AKAP13: variants seen among roughly 807,000 people sequenced by gnomAD.
AKAP13 encodes A-kinase anchoring protein 13, also known as A-kinase anchor protein 13.
AKAP13 carries 80 observed loss-of-function variants against 264.5 expected under a neutral mutation model. The ratio of observed to expected loss-of-function variants is 0.30; its 90% CI spans 0.25 to 0.36. The LOEUF is 0.36. AKAP13 is among the 10% of genes least tolerant of loss of function. The pLI, the probability that AKAP13 is intolerant of heterozygous loss-of-function variation, is 1.00. For missense variants in AKAP13, 3,712 were observed against 3,435.2 expected, an observed-to-expected ratio of 1.08 and a Z score of -2.01; for synonymous variants, 1,380 against 1,250.2, an observed-to-expected ratio of 1.10 and a Z score of -2.19.
Position 85,629,078 on chromosome 15 carries a change from T to C in AKAP13, c.4162-10296T>C, listed in dbSNP as rs1293034698. ...TGGGCATGGTGGCACATGCCTGTAG[T>C]CCTAGCTACCCAGGAGGCTGAGACA... On this transcript the variant is annotated intron_variant, in intron 8 of 36. Coordinates refer to ENST00000394518, the MANE Select transcript of AKAP13 (RefSeq NM_007200.5). Among the ~76,000 whole-genome samples, 3 of 152,166 alleles carry C rather than the reference T, an allele frequency of 2.0e-5. No homozygotes were observed. The East Asian group carries it at 5.8e-4, about 29-fold the overall frequency.
Position 85,723,055 on chromosome 15 carries a change from T to G in AKAP13, c.6497-17T>G. The G allele has an allele frequency of 2.5e-6, 4 of 1,607,688 alleles. No homozygotes were observed. The Middle Eastern group carries it at 6.6e-4, about 267-fold the overall frequency. On this transcript the variant is annotated splice_polypyrimidine_tract_variant and intron_variant, in intron 25 of 36. Coordinates refer to ENST00000394518, the MANE Select transcript of AKAP13 (RefSeq NM_007200.5). ...CAAAAAGAGCCATAAAAAACAGAAT[T>G]ATTCTTTCCTTCCAAGACAATGAAG...
chr15:85,589,121 C>T (rs2079481305), intron 8 of AKAP13, among the ~76,000 whole-genome samples: 1 of 152,140 alleles, frequency 6.6e-6, no homozygotes, highest in Admixed American at 6.6e-5. Flanking sequence ...GCCTTATTTG[C>T]TGTGAGTTGA....
intron 1 of AKAP13, among the ~76,000 whole-genome samples, chr15:85,465,583 T>G (rs1447064906): frequency 6.8e-6 from 1 of 146,838 alleles, no homozygotes; most frequent in Non-Finnish European, 1.5e-5. Flanking sequence ...TTCCCACCTA[T>G]GAGTGAGAAC....
chr15:85,737,830 G>A lies in AKAP13; in HGVS notation c.7557+1696G>A, dbSNP rs574855956. Among the ~76,000 whole-genome samples, 21 of 152,070 alleles carry A rather than the reference G, an allele frequency of 1.4e-4. 1 individual carries two copies. The South Asian group carries it at 1.9e-3, about 14-fold the overall frequency. ...TTTTTTTGTATTTTAGTAGAGATGGGGTTTCACCATGTTGCCCAGGCTGGT... is the reference window on the plus strand; with the variant it reads ...TTTTTTTGTATTTTAGTAGAGATGGAGTTTCACCATGTTGCCCAGGCTGGT... On this transcript the variant is annotated intron_variant, in intron 33 of 36. Transcript: ENST00000394518.
chr15:85,501,546 G>A (rs117576483), intron 2 of AKAP13, among the ~76,000 whole-genome samples: 54 of 152,286 alleles, frequency 3.5e-4, no homozygotes, highest in Non-Finnish European at 6.2e-4. Flanking sequence ...GTGTTCAAAC[G>A]CTGATCTTAA....
At chr15:85,651,081 T>A (rs1247609129) in intron 10 of AKAP13, among the ~76,000 whole-genome samples, 1 of 152,156 alleles carries the variant, frequency 6.6e-6, no homozygotes, top group African/African-American at 2.4e-5. Flanking sequence ...AGTATAGTAA[T>A]AAGATATAAA....
At chr15:85,689,778 G>C (rs7181796) in intron 16 of AKAP13, 21,794 of 152,244 alleles carry the variant, frequency 0.14, 2,120 homozygotes, top group Non-Finnish European at 0.22. Context: ...ACTGTTTTTG[G>C]GGGGAGTGAG....
chr15:85,485,485 C>T (rs1027882502), intron 1 of AKAP13, among the ~76,000 whole-genome samples: 4 of 152,170 alleles, frequency 2.6e-5, no homozygotes, highest in South Asian at 2.1e-4. Context: ...ATTTTTCAAT[C>T]GGAAGATCTT....
intron 4 of AKAP13, among the ~76,000 whole-genome samples, chr15:85,537,964 C>G (rs993189477): frequency 6.6e-6 from 1 of 152,188 alleles, no homozygotes; most frequent in Non-Finnish European, 1.5e-5. Flanking sequence ...AGCTTCTACA[C>G]ATTGTACTGT....
intron 10 of AKAP13, among the ~76,000 whole-genome samples, chr15:85,647,083 T>C (rs974125291): frequency 3.2e-4 from 49 of 152,236 alleles, no homozygotes; most frequent in Non-Finnish European, 6.0e-4. Context: ...TTGTCCAAGA[T>C]GGTGAATGAT....
At chr15:85,683,092 T>C (rs1390322905) in intron 15 of AKAP13, among the ~76,000 whole-genome samples, 1 of 152,226 alleles carries the variant, frequency 6.6e-6, no homozygotes, top group Non-Finnish European at 1.5e-5. Flanking sequence ...TTTTTCTGAG[T>C]TGCCTTCTTT....
chr15:85,553,388 T>TA (rs1375849960), intron 5 of AKAP13, among the ~76,000 whole-genome samples: 4 of 152,182 alleles, frequency 2.6e-5, no homozygotes, highest in African/African-American at 9.7e-5. Context: ...GTGCCTGGCC[T>TA]AACATCTGTA....
At chr15:85,682,796 T>G (rs567611102) in intron 15 of AKAP13, among the ~76,000 whole-genome samples, 1 of 152,238 alleles carries the variant, frequency 6.6e-6, no homozygotes, top group African/African-American at 2.4e-5. Flanking sequence ...GCCTCCTGAG[T>G]GGCTGGGATG....
chr15:85,515,515 A>G (rs2151134884), intron 2 of AKAP13, among the ~76,000 whole-genome samples: 1 of 139,098 alleles, frequency 7.2e-6, no homozygotes, highest in East Asian at 2.0e-4. Context: ...CAGATTTTGC[A>G]AGTTGTCCCG....
At chr15:85,526,997 C>T (rs1457515671) in intron 3 of AKAP13, among the ~76,000 whole-genome samples, 1 of 150,242 alleles carries the variant, frequency 6.7e-6, no homozygotes, top group Non-Finnish European at 1.5e-5. Flanking sequence ...CTCTGTCGCC[C>T]AGGCTGGAGT....
rs150388830 is a variant in AKAP13 at position 85,545,498 on chromosome 15, A to G, written c.662+1543A>G. On this transcript the variant is annotated intron_variant, in intron 5 of 36. Transcript: ENST00000394518. ...TTTTTTTGCTTACTTTAAAAGTACT[A>G]CTTCTGTTACATGTGGGAAAGCCAC... Among the ~76,000 whole-genome samples, 155 of 152,326 alleles carry G rather than the reference A, an allele frequency of 1.0e-3. 1 individual carries two copies. The highest frequency in any genetic ancestry group is 5.2e-3 in the East Asian group (27 of 5,192).
intron 1 of AKAP13, among the ~76,000 whole-genome samples, chr15:85,414,159 C>CT (rs1255726305): frequency 6.6e-6 from 1 of 152,072 alleles, no homozygotes; most frequent in Non-Finnish European, 1.5e-5. Flanking sequence ...ACCAGTCTTC[C>CT]TTTTTTTCAG....
chr15:85,592,636 G>A (rs1156656476), intron 8 of AKAP13, among the ~76,000 whole-genome samples: 1 of 152,034 alleles, frequency 6.6e-6, no homozygotes, highest in Non-Finnish European at 1.5e-5. Flanking sequence ...TCCCATATAG[G>A]TCCAAAGCTA....
At chr15:85,392,818 C>G (rs530744449) in intron 1 of AKAP13, among the ~76,000 whole-genome samples, 1 of 152,304 alleles carries the variant, frequency 6.6e-6, no homozygotes, top group African/African-American at 2.4e-5. Context: ...TTATGTTGCA[C>G]TGTGGTGGGC....
Sources: gnomAD v4.1 joint callset for allele counts (sites outside exome capture counted in the v4.1 genomes callset) on GRCh38, gnomAD v4.1.1 for gene constraint, MANE v1.5 for transcripts, NCBI Gene and HGNC (gene_info 2026-07-23, HGNC 2026-07-21) for gene names.